TPMT: variants seen among roughly 807,000 people sequenced by gnomAD.
TPMT encodes the protein S-adenosyl-L-methionine:thiopurine S-methyltransferase.
TPMT carries 18 observed loss-of-function variants against 34.2 expected under a neutral mutation model. That is an observed-to-expected ratio of 0.53 (90% CI 0.36 to 0.78). TPMT has a LOEUF of 0.78. Among genes scored for constraint, TPMT ranks in the 30% least tolerant of loss-of-function variants. The probability of loss-of-function intolerance (pLI) is 0.00; values close to 1 mark genes in which losing one functional copy is unlikely to be tolerated. For synonymous variants in TPMT, 69 were observed against 92.4 expected (o/e 0.75, Z 1.45); for missense variants, 265 against 288.1 (o/e 0.92, Z 0.58).
rs1417895715 is a variant in TPMT at position 18,130,997 on chromosome 6, G to T, written c.626-217C>A. On this transcript the variant is annotated intron_variant, in intron 8 of 8. Coordinates refer to ENST00000309983, the MANE Select transcript of TPMT (RefSeq NM_000367.5). This position sits in a 1 kb window ranked among gnomAD's most constrained non-coding sequence, Gnocchi z 4.2. ...CTACTAAAAATACAAAATGAGCTGG[G>T]TATGGTGGCACATGCCTGTAATCCC... Among the ~76,000 whole-genome samples the T allele has an allele frequency of 2.0e-5, 3 of 152,096 alleles. No homozygotes were observed. Among genetic ancestry groups the T allele is most frequent in the Non-Finnish European group, 4.4e-5 (3 of 68,020 alleles).
rs567146651 is a variant in TPMT, at chr6:18,145,466, C to T, written c.234-1738G>A. 6.6e-6 allele frequency among the ~76,000 whole-genome samples: 1 copy of T among 152,304 alleles called. No individual in the cohort carries two copies. Among genetic ancestry groups the T allele is most frequent in the African/African-American group, 2.4e-5 (1 of 41,564 alleles). On this transcript the variant is annotated intron_variant, in intron 3 of 8. Coordinates refer to ENST00000309983, the MANE Select transcript of TPMT (RefSeq NM_000367.5). This position sits in a 1 kb window ranked among gnomAD's most constrained non-coding sequence, Gnocchi z 5.6. ...AAGGCTTCTTATAGATGAAATCACA[C>T]ACAAGCAAATGTGAAATTTATTTCA...
At chr6:18,133,991 C>A in intron 6 of TPMT, 102 bp from the exon 7 acceptor site, 1 of 856,416 alleles carries the variant, frequency 1.2e-6, no homozygotes, top group Non-Finnish European at 1.9e-6. Context: ...TTCGCTGATA[C>A]TACTGAGTTT....
rs760669984 is a variant in TPMT, at chr6:18,148,349, C to T, written c.141-434G>A. Among the ~76,000 whole-genome samples, 1 of 152,066 alleles carries T rather than the reference C, an allele frequency of 6.6e-6. No homozygotes were observed. The highest frequency in any genetic ancestry group is 1.5e-5 in the Non-Finnish European group (1 of 68,024). On this transcript the variant is annotated intron_variant, in intron 2 of 8. Transcript: ENST00000309983. The surrounding 1 kb of genome is among the most constrained non-coding windows in gnomAD (Gnocchi z 4.1). ...TTCCCTCTGTGGAGATGTGGCTCTT[C>T]TAAGGCCATCCACATGACAGAAATA...
intron 7 of TPMT, 141 bp downstream of exon 7, chr6:18,133,663 A>G: frequency 1.5e-6 from 1 of 674,734 alleles, no homozygotes. Context: ...ATTAGTCAAA[A>G]CTGGAATTAT....
At chr6:18,151,573 GATTTATTTATTTATTTATTT>G (rs70974705) in intron 1 of TPMT, among the ~76,000 whole-genome samples, 15 of 143,286 alleles carry the variant, frequency 1.0e-4, no homozygotes, top group African/African-American at 1.8e-4. Context: ...TGGAAACCTA[GATTTATTTATTTATTTATTT>G]ATTTATTTAT....
Position 18,148,566 on chromosome 6 carries a change from TC to T in TPMT, c.140+421del, listed in dbSNP as rs1435260134. Reference sequence around the variant, plus strand: ...ACTCACTTTATAATTTCTCGCAACTTCTTTTCTCCCACCATAGAGATAATTC... The same window carrying T: ...ACTCACTTTATAATTTCTCGCAACTTTTTTCTCCCACCATAGAGATAATTC... On this transcript the variant is annotated intron_variant, in intron 2 of 8. Transcript: ENST00000309983. This position sits in a 1 kb window ranked among gnomAD's most constrained non-coding sequence, Gnocchi z 4.1. Among the ~76,000 whole-genome samples, 2 of 152,218 alleles carry T rather than the reference TC, an allele frequency of 1.3e-5. No homozygotes were observed. Among genetic ancestry groups the T allele is most frequent in the Non-Finnish European group, 2.9e-5 (2 of 68,030 alleles).
chr6:18,148,174 T>C lies in TPMT; in HGVS notation c.141-259A>G, dbSNP rs912368583. ...TCTTGGGGATGTTTTGAAAATTCTT[T>C]ATTAATTCTCTAAATATGTACTATT... On this transcript the variant is annotated intron_variant, in intron 2 of 8. Coordinates refer to ENST00000309983, the MANE Select transcript of TPMT (RefSeq NM_000367.5). The surrounding 1 kb of genome is among the most constrained non-coding windows in gnomAD (Gnocchi z 4.1). Among the ~76,000 whole-genome samples, 3 of 152,320 alleles carry C rather than the reference T, an allele frequency of 2.0e-5. No homozygotes were observed. Among genetic ancestry groups the C allele is most frequent in the African/African-American group, 7.2e-5 (3 of 41,574 alleles).
chr6:18,139,093 G>C lies in TPMT; in HGVS notation c.420-56C>G. 1 of 1,462,704 alleles carries C rather than the reference G, an allele frequency of 6.8e-7. No homozygotes were observed. Among genetic ancestry groups the C allele is most frequent in the Non-Finnish European group, 9.6e-7 (1 of 1,041,714 alleles). The allele number at this position is 1,462,704 out of a possible 1,614,324, so 90.6% of individuals were successfully genotyped here. A position where few individuals can be genotyped will look rare whatever the true frequency, so the allele number is the denominator to read the frequency against. On this transcript the variant is annotated intron_variant, in intron 5 of 8. Coordinates refer to ENST00000309983, the MANE Select transcript of TPMT (RefSeq NM_000367.5). The surrounding 1 kb of genome is among the most constrained non-coding windows in gnomAD (Gnocchi z 4.2). ...AGAAAAATCAAATCTTTAAGAAGAT[G>C]AGCAGCGTCCCCCATGGTGCATGCT...
At position 18,133,885 on chromosome 6, in the gene TPMT, C is replaced by T; in HGVS notation, c.499G>A (p.Ala167Thr). The T allele has an allele frequency of 6.2e-7, 1 of 1,611,498 alleles. No individual in the cohort carries two copies. Among genetic ancestry groups the T allele is most frequent in the Non-Finnish European group, 8.5e-7 (1 of 1,177,768 alleles). ...CCCAGGAGGGAAAACATTGTATCTG[C>T]ATAGCTACAAAGAACACAAGAAGGT... ...AINPGDRKCYADTMFSLLGKK... is the reference protein window; with the variant it reads ...AINPGDRKCYTDTMFSLLGKK... Residue 167 changes from alanine (A) to threonine (T), a missense_variant, in exon 7 of 9, where the codon GCA becomes ACA. Physicochemically the swap from Ala to Thr is moderately conservative, Grantham distance 58 (BLOSUM62 0). Transcript: ENST00000309983.
intron 6 of TPMT, among the ~76,000 whole-genome samples, chr6:18,137,741 A>T (rs1040424191): frequency 2.6e-5 from 4 of 152,126 alleles, no homozygotes; most frequent in African/African-American, 9.7e-5. Flanking sequence ...TCCCACAAAA[A>T]TCCTTTGAGG....
Position 18,138,873 on chromosome 6 carries a change from T to C in TPMT, c.494+90A>G. On this transcript the variant is annotated intron_variant, in intron 6 of 8. Coordinates refer to ENST00000309983, the MANE Select transcript of TPMT (RefSeq NM_000367.5). This position sits in a 1 kb window ranked among gnomAD's most constrained non-coding sequence, Gnocchi z 4.1. ...AACATAATAACCTATTTCAAACTCA[T>C]AGAAGTCTAAGCTGATTTTCTAGAA... 4.7e-6 allele frequency: 5 copies of C among 1,066,934 alleles called. No homozygotes were observed. The highest frequency in any genetic ancestry group is 2.0e-4 in the Middle Eastern group (1 of 4,934). 66.1% of individuals were successfully genotyped at this position (1,066,934 alleles called of 1,614,324 possible).
rs746908193 is a variant in TPMT, at chr6:18,143,746, T to C, written c.234-18A>G. On this transcript the variant is annotated intron_variant, in intron 3 of 8. Transcript: ENST00000309983. This position sits in a 1 kb window ranked among gnomAD's most constrained non-coding sequence, Gnocchi z 6.1. ...CTGCAAACCTGCATAAAATCATACA[T>C]TTACACTTAAATTATGTTTTCAAAT... 1 of 1,613,752 alleles carries C rather than the reference T, an allele frequency of 6.2e-7. No individual in the cohort carries two copies. The highest frequency in any genetic ancestry group is 1.1e-5 in the South Asian group (1 of 91,068).
At position 18,140,120 on chromosome 6, in the gene TPMT, G is replaced by A. The variant is rs1784114379; in HGVS notation, c.367-403C>T. Among the ~76,000 whole-genome samples the A allele has an allele frequency of 6.6e-6, 1 of 152,176 alleles. No individual in the cohort carries two copies. The highest frequency in any genetic ancestry group is 1.5e-5 in the Non-Finnish European group (1 of 68,028). On this transcript the variant is annotated intron_variant, in intron 4 of 8. Transcript: ENST00000309983. This position sits in a 1 kb window ranked among gnomAD's most constrained non-coding sequence, Gnocchi z 4.7. ...TAAGTTATTCCAGAAATGTGCAATT[G>A]TGCTGATTCTTCCATTTTTGCTCAT...
intron 1 of TPMT, among the ~76,000 whole-genome samples, chr6:18,151,096 C>T (rs998181385): frequency 6.6e-6 from 1 of 151,824 alleles, no homozygotes; most frequent in Admixed American, 6.6e-5. Context: ...GTAAATTTCT[C>T]ATTTTTTTCT....
In TPMT at chr6:18,150,661, A is replaced by G. The variant is rs917538223; in HGVS notation, c.-44-1490T>C. Among the ~76,000 whole-genome samples the G allele has an allele frequency of 6.6e-6, 1 of 152,198 alleles. No homozygotes were observed. The highest frequency in any genetic ancestry group is 1.5e-5 in the Non-Finnish European group (1 of 68,038). On this transcript the variant is annotated intron_variant, in intron 1 of 8. Coordinates refer to ENST00000309983, the MANE Select transcript of TPMT (RefSeq NM_000367.5). This position sits in a 1 kb window ranked among gnomAD's most constrained non-coding sequence, Gnocchi z 5.3. ...CCTAACCTCCAGAGCTTCCTGAAAG[A>G]GCACAAGGAAGAAAAAGAATGTTTT...
In TPMT at chr6:18,129,070, C is replaced by G. The variant is rs1783885054; in HGVS notation, c.*1598G>C. 6.6e-6 allele frequency: 1 copy of G among 152,236 alleles called. No individual in the cohort carries two copies. The allele number at this position is 152,236 out of a possible 1,614,324, so 9.4% of individuals were successfully genotyped here. ...CGTGGGCAACAAAGTGAGACCCTGT[C>G]TCTACATAAAAGTAAAATCAAAAGT... On this transcript the variant is annotated 3_prime_UTR_variant, in exon 9 of 9. Transcript: ENST00000309983.
rs893928785 is a variant in TPMT, at chr6:18,145,717, T to G, written c.234-1989A>C. 2.0e-5 allele frequency among the ~76,000 whole-genome samples: 3 copies of G among 152,250 alleles called. No homozygotes were observed. The highest frequency in any genetic ancestry group is 7.2e-5 in the African/African-American group (3 of 41,470). On this transcript the variant is annotated intron_variant, in intron 3 of 8. Coordinates refer to ENST00000309983, the MANE Select transcript of TPMT (RefSeq NM_000367.5). This position sits in a 1 kb window ranked among gnomAD's most constrained non-coding sequence, Gnocchi z 5.6. Reference sequence around the variant, plus strand: ...AGTTTAAAAATTCTCCCTACATTTTTTAAGTTATAAAATGTAAACAAAAAC... The same window carrying G: ...AGTTTAAAAATTCTCCCTACATTTTGTAAGTTATAAAATGTAAACAAAAAC...
At chr6:18,134,657 A>G (rs200804397) in intron 6 of TPMT, among the ~76,000 whole-genome samples, 1 of 152,242 alleles carries the variant, frequency 6.6e-6, no homozygotes, top group Non-Finnish European at 1.5e-5. Context: ...TTGACCAATC[A>G]GATGACTGAC....
Position 18,143,630 on chromosome 6 carries a change from G to C in TPMT, c.332C>G (p.Pro111Arg), listed in dbSNP as rs765582677. 4.3e-6 allele frequency: 7 copies of C among 1,613,226 alleles called. No homozygotes were observed. The South Asian group carries it at 4.4e-5, about 10-fold the overall frequency. The change falls in exon 4 of 9, where the codon CCA becomes CGA. Residue 111 changes from proline (P) to arginine (R), a missense_variant. By Grantham distance (103) the Pro-to-Arg change is moderately radical. Transcript: ENST00000309983. The surrounding 1 kb of genome is among the most constrained non-coding windows in gnomAD (Gnocchi z 6.1). ...TTTGGTTCCAGGAATTTCGGTGATT[G>C]GTTCTTCTGAGTAAGAAAGATTCTG... ...TEQNLSYSEE[P>R]ITEIPGTKVF...
Sources: gnomAD v4.1 joint callset for allele counts (sites outside exome capture counted in the v4.1 genomes callset) on GRCh38, gnomAD v4.1.1 for gene constraint, Gnocchi (gnomAD v3.1) non-coding constraint, MANE v1.5 for transcripts, NCBI Gene and HGNC (gene_info 2026-07-23, HGNC 2026-07-21) for gene names.